The following NELL2 variants were observed in gnomAD, a reference collection of about 807,000 sequenced individuals.
The protein encoded by NELL2 is protein kinase C-binding protein NELL2.
Under a neutral mutation model 109.6 loss-of-function variants are expected in NELL2, and 41 were observed. The observed-to-expected ratio is 0.37, with a 90% confidence interval of 0.29 to 0.49. NELL2 has a LOEUF of 0.49. Ranked by LOEUF, NELL2 falls within the 20% of genes least tolerant of loss-of-function variation. The pLI, the probability that NELL2 is intolerant of heterozygous loss-of-function variation, is 0.98. For synonymous variants in NELL2, 355 were observed against 344.7 expected, an observed-to-expected ratio of 1.03 and a Z score of -0.33; for missense variants, 900 against 1,008.3, an observed-to-expected ratio of 0.89 and a Z score of 1.45.
intron 9 of NELL2, among the ~76,000 whole-genome samples, chr12:44,729,536 T>A (rs990620599): frequency 7.0e-6 from 1 of 143,360 alleles, no homozygotes; most frequent in African/African-American, 2.6e-5. Flanking sequence ...GATTAAACTG[T>A]CAAAAGACAG....
At chr12:44,865,281 G>A (rs996435770) in intron 2 of NELL2, among the ~76,000 whole-genome samples, 7 of 140,094 alleles carry the variant, frequency 5.0e-5, no homozygotes, top group African/African-American at 1.9e-4. Flanking sequence ...CCCTTTGTCC[G>A]ATGAGTAGGT....
chr12:44,675,021 A>C (rs1482516025), intron 12 of NELL2, among the ~76,000 whole-genome samples: 1 of 152,172 alleles, frequency 6.6e-6, no homozygotes, highest in East Asian at 1.9e-4. Flanking sequence ...TTTTCCTTTA[A>C]AAGGACAAAG....
intron 13 of NELL2, among the ~76,000 whole-genome samples, chr12:44,643,586 T>C (rs1401808583): frequency 6.6e-6 from 1 of 152,162 alleles, no homozygotes; most frequent in African/African-American, 2.4e-5. Context: ...CTCCTCTGTT[T>C]TCACCATATC....
At chr12:44,766,521 T>C (rs1941341900) in intron 9 of NELL2, among the ~76,000 whole-genome samples, 1 of 152,232 alleles carries the variant, frequency 6.6e-6, no homozygotes, top group African/African-American at 2.4e-5. Context: ...TTTTGTATTA[T>C]CTCAATTGAG....
At chr12:44,860,834 C>T (rs552398829) in intron 2 of NELL2, among the ~76,000 whole-genome samples, 1 of 152,326 alleles carries the variant, frequency 6.6e-6, no homozygotes, top group East Asian at 1.9e-4. Flanking sequence ...AATCAGCCTA[C>T]CACAGTCTTT....
At chr12:44,887,631 GATT>G (rs1409538299) in intron 1 of NELL2, among the ~76,000 whole-genome samples, 1 of 146,162 alleles carries the variant, frequency 6.8e-6, no homozygotes, top group African/African-American at 2.7e-5. Context: ...GGTTTGGGGG[GATT>G]ATTGTGTGTG....
chr12:44,781,694 A>T (rs1941965193), intron 3 of NELL2, among the ~76,000 whole-genome samples: 2 of 152,134 alleles, frequency 1.3e-5, no homozygotes, highest in African/African-American at 4.8e-5. Context: ...AATTAGAGTG[A>T]CAGTGTGTTT....
intron 12 of NELL2, among the ~76,000 whole-genome samples, chr12:44,701,524 T>G (rs1445461136): frequency 6.6e-6 from 1 of 152,108 alleles, no homozygotes; most frequent in Non-Finnish European, 1.5e-5. Context: ...ACAAGTAAGG[T>G]AATCTAAATC....
intron 15 of NELL2, among the ~76,000 whole-genome samples, chr12:44,559,697 C>A (rs60641376): frequency 0.04 from 6,103 of 152,188 alleles, 419 homozygotes; most frequent in African/African-American, 0.14. Context: ...TAGAGACTTA[C>A]AAAGAGACTT....
intron 12 of NELL2, among the ~76,000 whole-genome samples, chr12:44,696,033 A>G (rs1341152156): frequency 6.6e-6 from 1 of 152,184 alleles, no homozygotes; most frequent in African/African-American, 2.4e-5. Flanking sequence ...AAATGCCTCC[A>G]AAGAACCATA....
intron 12 of NELL2, among the ~76,000 whole-genome samples, chr12:44,693,933 T>C (rs1158323576): frequency 6.6e-6 from 1 of 152,220 alleles, no homozygotes; most frequent in African/African-American, 2.4e-5. Flanking sequence ...TCCTGAAAGC[T>C]GTTTTATGTA....
intron 12 of NELL2, among the ~76,000 whole-genome samples, chr12:44,671,610 A>T (rs1295552538): frequency 6.6e-6 from 1 of 152,204 alleles, no homozygotes; most frequent in Non-Finnish European, 1.5e-5. Flanking sequence ...AGAAATAGAA[A>T]GGATCATAAA....
intron 1 of NELL2, among the ~76,000 whole-genome samples, chr12:44,921,140 T>C (rs1945865272): frequency 6.6e-6 from 1 of 152,168 alleles, no homozygotes; most frequent in Admixed American, 6.5e-5. Flanking sequence ...TTTGTCTGCT[T>C]CCCTAGATTA....
chr12:44,562,261 G>T (rs891946013), intron 15 of NELL2, among the ~76,000 whole-genome samples: 6 of 152,170 alleles, frequency 3.9e-5, no homozygotes, highest in African/African-American at 1.4e-4. Flanking sequence ...CATGGGCAAA[G>T]ATTTCATGAC....
intron 12 of NELL2, among the ~76,000 whole-genome samples, chr12:44,671,612 G>A (rs1379530262): frequency 6.6e-6 from 1 of 151,982 alleles, no homozygotes; most frequent in Non-Finnish European, 1.5e-5. Context: ...AAATAGAAAG[G>A]ATCATAAAAG....
At chr12:44,607,972 G>A (rs1945464489) in intron 14 of NELL2, among the ~76,000 whole-genome samples, 2 of 152,064 alleles carry the variant, frequency 1.3e-5, no homozygotes, top group African/African-American at 2.4e-5. Context: ...TTGCAAGGGC[G>A]ATCTCTTGAA....
intron 15 of NELL2, among the ~76,000 whole-genome samples, chr12:44,594,128 C>G (rs1450213333): frequency 1.3e-5 from 2 of 151,542 alleles, no homozygotes; most frequent in Non-Finnish European, 2.9e-5. Flanking sequence ...ACATCACACA[C>G]CGGGGCCTGT....
chr12:44,875,083 T>C (rs1241996847), intron 2 of NELL2, 142 bp downstream of exon 2: 4 of 1,077,592 alleles, frequency 3.7e-6, no homozygotes, highest in East Asian at 5.2e-5. Context: ...TAGGGATATG[T>C]GTCTCACACT....
chr12:44,870,921 A>G (rs1945142449), intron 2 of NELL2, among the ~76,000 whole-genome samples: 1 of 152,162 alleles, frequency 6.6e-6, no homozygotes, highest in Non-Finnish European at 1.5e-5. Context: ...TATTCTGCCC[A>G]CCATAATATA....
Sources: allele counts gnomAD v4.1 joint callset (sites outside exome capture counted in the v4.1 genomes callset), GRCh38; gene constraint gnomAD v4.1.1; transcripts MANE v1.5; gene names NCBI Gene and HGNC (gene_info 2026-07-23, HGNC 2026-07-21).